Variants in ANO1 observed in about 807,000 individuals in gnomAD.
ANO1 encodes the protein anoctamin-1.
Under a neutral mutation model 124.0 loss-of-function variants are expected in ANO1, and 59 were observed. The observed-to-expected ratio is 0.48, with a 90% CI of 0.39 to 0.59. The LOEUF is 0.59. ANO1 is among the 20% of genes least tolerant of loss of function. The pLI, the probability that ANO1 is intolerant of heterozygous loss-of-function variation, is 0.00. For synonymous variants in ANO1, 529 were observed against 532.0 expected, an observed-to-expected ratio of 0.99 and a Z score of 0.08; for missense variants, 1,059 against 1,328.0, an observed-to-expected ratio of 0.80 and a Z score of 3.15.
chr11:70,176,934 C>T (rs1168801545), intron 22 of ANO1, among the ~76,000 whole-genome samples: 2 of 152,150 alleles, frequency 1.3e-5, no homozygotes, highest in Non-Finnish European at 2.9e-5. Context: ...GCCGGTTCAG[C>T]ATTTCTCTAA....
intron 21 of ANO1, among the ~76,000 whole-genome samples, chr11:70,168,613 A>G (rs2048341847): frequency 6.6e-6 from 1 of 152,242 alleles, no homozygotes; most frequent in Admixed American, 6.5e-5. Flanking sequence ...GAACAAAGGC[A>G]GTCAGGAAGA....
intron 11 of ANO1, among the ~76,000 whole-genome samples, chr11:70,140,670 A>G (rs1270076087): frequency 1.3e-5 from 2 of 152,214 alleles, no homozygotes; most frequent in East Asian, 1.9e-4. Flanking sequence ...GAGGATAACA[A>G]AGAAAATCAT....
chr11:70,103,029 GC>G, intron 2 of ANO1, 36 bp from the exon 3 acceptor site: 1 of 1,470,496 alleles, frequency 6.8e-7, no homozygotes. Context: ...GAGATGCACC[GC>G]CCCCCCTCAA....
intron 1 of ANO1, among the ~76,000 whole-genome samples, chr11:70,052,531 CTTTTTTTTTTTTTTTTT>C (rs200770702): frequency 2.4e-4 from 16 of 65,922 alleles, no homozygotes; most frequent in Non-Finnish European, 3.0e-4. Context: ...TTTTTCTTTT[CTTTTTTTTTTTTTTTTT>C]TTTTTTTTTT....
upstream of ANO1, among the ~76,000 whole-genome samples, chr11:69,981,088 C>T (rs1281630396): frequency 1.3e-5 from 2 of 152,130 alleles, no homozygotes; most frequent in Non-Finnish European, 2.9e-5. Context: ...AAAGAGTGAC[C>T]TAGTGAGCTG....
chr11:70,145,801 G>A (rs2047349244), intron 11 of ANO1, among the ~76,000 whole-genome samples: 1 of 152,020 alleles, frequency 6.6e-6, no homozygotes, highest in South Asian at 2.1e-4. Flanking sequence ...GCCGGGCGTG[G>A]TGGCATGCAC....
At chr11:69,969,474 C>A in the ANO1 span, among the ~76,000 whole-genome samples, 2 of 152,314 alleles carry the variant, frequency 1.3e-5, no homozygotes, top group South Asian at 4.1e-4. Context: ...GTGATGTTCA[C>A]GGTCTGACGC....
At chr11:70,070,703 G>A (rs1246529342) in intron 1 of ANO1, among the ~76,000 whole-genome samples, 1 of 152,222 alleles carries the variant, frequency 6.6e-6, no homozygotes, top group African/African-American at 2.4e-5. Flanking sequence ...TGCATGGTGA[G>A]TGGGTAAGTA....
chr11:70,080,343 C>T (rs1006836575), intron 1 of ANO1, among the ~76,000 whole-genome samples: 40 of 152,208 alleles, frequency 2.6e-4, no homozygotes, highest in African/African-American at 9.4e-4. Flanking sequence ...GAAAGCCTGC[C>T]TGAAGAATAA....
At chr11:70,076,719 C>CAAAG (rs1160012243), upstream of ANO1, among the ~76,000 whole-genome samples, 1 of 152,206 alleles carries the variant, frequency 6.6e-6, no homozygotes, top group African/African-American at 2.4e-5. Flanking sequence ...AAGGTGCAGA[C>CAAAG]AAAGGGTCCT....
chr11:70,029,972 G>T (rs1026878029), intron 1 of ANO1, among the ~76,000 whole-genome samples: 4 of 152,216 alleles, frequency 2.6e-5, no homozygotes, highest in Admixed American at 6.5e-5. Flanking sequence ...TGGGTCAAGA[G>T]GGCACTCCCC....
intron 2 of ANO1, among the ~76,000 whole-genome samples, chr11:70,089,200 A>G (rs1590697458): frequency 6.6e-6 from 1 of 152,222 alleles, no homozygotes; most frequent in African/African-American, 2.4e-5. Context: ...CAAAGTCTCT[A>G]AAACACATCG....
intron 22 of ANO1, among the ~76,000 whole-genome samples, chr11:70,172,117 C>CT (rs1332951810): frequency 1.6e-5 from 1 of 62,820 alleles, no homozygotes; most frequent in Non-Finnish European, 3.2e-5. Flanking sequence ...GAGAACCTGT[C>CT]TTAAAAAAAA....
chr11:70,018,559 A>G (rs1040296687), intron 1 of ANO1, among the ~76,000 whole-genome samples: 1 of 151,992 alleles, frequency 6.6e-6, no homozygotes, highest in Non-Finnish European at 1.5e-5. Flanking sequence ...AGTGTTTGGG[A>G]CCGTAGCTGC....
intron 4 of ANO1, among the ~76,000 whole-genome samples, chr11:70,104,583 C>T (rs1040134054): frequency 5.3e-5 from 8 of 152,332 alleles, no homozygotes; most frequent in Non-Finnish European, 1.0e-4. Context: ...CCTGAGGCCC[C>T]AGGGACTCAC....
At chr11:70,051,648 TAATGCTGGTGGTCACCA>T (rs1415001629) in intron 1 of ANO1, among the ~76,000 whole-genome samples, 1 of 152,258 alleles carries the variant, frequency 6.6e-6, no homozygotes, top group African/African-American at 2.4e-5. Context: ...TTTTGAGGAC[TAATGCTGGTGGTCACCA>T]AATCATAGGC....
At chr11:70,019,800 G>A (rs535052875) in intron 1 of ANO1, among the ~76,000 whole-genome samples, 1 of 152,340 alleles carries the variant, frequency 6.6e-6, no homozygotes, top group South Asian at 2.1e-4. Context: ...AGCTTTCCCA[G>A]CCACTTTTAA....
the ANO1 span, among the ~76,000 whole-genome samples, chr11:69,975,687 G>A: frequency 2.0e-5 from 3 of 152,306 alleles, no homozygotes; most frequent in South Asian, 2.1e-4. Context: ...CTCTGGCTCC[G>A]GGATCCGCTC....
intron 12 of ANO1, among the ~76,000 whole-genome samples, chr11:70,151,664 C>A (rs970888891): frequency 9.9e-5 from 15 of 152,132 alleles, no homozygotes; most frequent in Admixed American, 7.2e-4. Context: ...ACACACAGTG[C>A]CAAGGAGCCC....
Sources: allele counts gnomAD v4.1 joint callset (sites outside exome capture counted in the v4.1 genomes callset), GRCh38; gene constraint gnomAD v4.1.1; transcripts MANE v1.5; gene names NCBI Gene and HGNC (gene_info 2026-07-23, HGNC 2026-07-21).